Variants in MAP4 observed in about 807,000 individuals in gnomAD.
MAP4 encodes the protein microtubule associated protein 4, also known as microtubule-associated protein 4.
A neutral mutation model predicts 170.2 loss-of-function variants in MAP4; 76 were observed. That is an observed-to-expected ratio of 0.45 (90% CI 0.37 to 0.54). The LOEUF (loss-of-function observed/expected upper bound fraction) is 0.54, where lower values mean the gene tolerates loss of function less well. Ranked by LOEUF, MAP4 falls within the 20% of genes least tolerant of loss-of-function variation. The probability of loss-of-function intolerance (pLI) is 0.00; values close to 1 mark genes in which losing one functional copy is unlikely to be tolerated. For missense variants in MAP4, 2,506 were observed against 2,748.0 expected, an observed-to-expected ratio of 0.91 and a Z score of 1.97; for synonymous variants, 909 against 994.5, an observed-to-expected ratio of 0.91 and a Z score of 1.62.
At chr3:48,001,574 A>C (rs2100099166) in intron 1 of MAP4, among the ~76,000 whole-genome samples, 1 of 152,144 alleles carries the variant, frequency 6.6e-6, no homozygotes, top group African/African-American at 2.4e-5. Context: ...GTCTTGCCTC[A>C]CTGCAACCTC....
At chr3:48,081,073 G>A (rs1181294574) in intron 1 of MAP4, among the ~76,000 whole-genome samples, 3 of 152,158 alleles carry the variant, frequency 2.0e-5, no homozygotes, top group Non-Finnish European at 4.4e-5. Flanking sequence ...TCAGTGAGCC[G>A]AGATCATGCC....
At chr3:48,072,005 G>A (rs2100141261) in intron 1 of MAP4, among the ~76,000 whole-genome samples, 1 of 152,120 alleles carries the variant, frequency 6.6e-6, no homozygotes, top group Admixed American at 6.6e-5. Flanking sequence ...TGGATCGCTT[G>A]AGGTCAGGAG....
intron 3 of MAP4, among the ~76,000 whole-genome samples, chr3:47,936,225 G>C (rs550105953): frequency 3.4e-4 from 52 of 151,994 alleles, no homozygotes; most frequent in Non-Finnish European, 6.5e-4. Context: ...CTTGAGGCCA[G>C]AAGTTTGGCA....
chr3:47,966,228 C>CTTTTTTT lies in MAP4; in HGVS notation c.292+11630_292+11636dup, dbSNP rs757460367. Among the ~76,000 whole-genome samples, 39 of 50,260 alleles carry CTTTTTTT rather than the reference C, an allele frequency of 7.8e-4. 10 individuals carry two copies. The highest frequency in any genetic ancestry group is 2.7e-3 in the East Asian group (3 of 1,118). 33.0% of individuals were successfully genotyped at this position (50,260 alleles called of 152,430 possible). On this transcript the variant is annotated intron_variant, in intron 3 of 20. Transcript: ENST00000683076. The stretch of plus-strand genomic sequence containing the variant: ...AGCTGGGACTACAGGCCCACACTAC[C>CTTTTTTT]TTTTTTTTTTTTTTTTTTTTTTTTT...
At chr3:47,984,456 G>A (rs2154306020) in intron 2 of MAP4, among the ~76,000 whole-genome samples, 2 of 152,230 alleles carry the variant, frequency 1.3e-5, no homozygotes, top group South Asian at 4.1e-4. Context: ...GGTGAAAGTT[G>A]GATTAGATAC....
At chr3:47,993,236 A>C (rs565503625) in intron 2 of MAP4, among the ~76,000 whole-genome samples, 5 of 152,300 alleles carry the variant, frequency 3.3e-5, no homozygotes, top group Non-Finnish European at 5.9e-5. Context: ...AGACAGGAGG[A>C]TCACTTGAGC....
chr3:47,901,814 G>A (rs2100030160), intron 10 of MAP4, among the ~76,000 whole-genome samples: 1 of 152,158 alleles, frequency 6.6e-6, no homozygotes. Flanking sequence ...TTGTCAACCA[G>A]AGGGTACAAG....
At chr3:47,977,505 A>G (rs1469291553) in intron 3 of MAP4, among the ~76,000 whole-genome samples, 4 of 152,222 alleles carry the variant, frequency 2.6e-5, no homozygotes, top group African/African-American at 9.6e-5. Flanking sequence ...AGCTAAACGC[A>G]ATGTGATTCA....
intron 10 of MAP4, among the ~76,000 whole-genome samples, chr3:47,878,737 C>T (rs1389370308): frequency 6.6e-6 from 1 of 152,078 alleles, no homozygotes; most frequent in African/African-American, 2.4e-5. Context: ...AGGGTTTCAC[C>T]ATGTTGGCCA....
At chr3:48,002,902 TAAATAAATAAGTAAA>T (rs2100100013) in intron 1 of MAP4, among the ~76,000 whole-genome samples, 1 of 150,958 alleles carries the variant, frequency 6.6e-6, no homozygotes, top group African/African-American at 2.4e-5. Flanking sequence ...TAAAAACTTT[TAAATAAATAAGTAAA>T]AAATAAATCA....
At chr3:47,862,693 G>A (rs2069573453) in intron 17 of MAP4, among the ~76,000 whole-genome samples, 1 of 152,044 alleles carries the variant, frequency 6.6e-6, no homozygotes, top group South Asian at 2.1e-4. Flanking sequence ...TAGCCAGGAT[G>A]GTCTCGATCT....
At chr3:47,927,537 G>A (rs1458197006) in intron 4 of MAP4, among the ~76,000 whole-genome samples, 7 of 152,052 alleles carry the variant, frequency 4.6e-5, no homozygotes, top group Non-Finnish European at 1.0e-4. Context: ...GTGCAGTGGC[G>A]CGATCTCGGC....
intron 17 of MAP4, among the ~76,000 whole-genome samples, chr3:47,860,218 GTTTTC>G (rs2063351380): frequency 6.6e-6 from 1 of 152,172 alleles, no homozygotes; most frequent in African/African-American, 2.4e-5. Context: ...TTTCTTTCTT[GTTTTC>G]TTTTGAGACA....
In MAP4 at chr3:47,885,660, T is replaced by C. The variant is rs575530083; in HGVS notation, c.5435-8137A>G. ...TACTTTTAGTCAAAAACTGAGTATT[T>C]TTCTAGTTTTAAAATGTAATGGGGA... On this transcript the variant is annotated intron_variant, in intron 10 of 20. Transcript: ENST00000683076. Among the ~76,000 whole-genome samples the C allele has an allele frequency of 2.0e-5, 3 of 152,242 alleles. No individual in the cohort carries two copies. In the South Asian group the frequency reaches 6.2e-4, roughly 32 times the overall value.
chr3:47,956,078 C>T (rs149145854), intron 3 of MAP4, among the ~76,000 whole-genome samples: 8 of 152,244 alleles, frequency 5.3e-5, no homozygotes, highest in Admixed American at 3.9e-4. Context: ...AATGCAACCA[C>T]GTGTCCTGAG....
chr3:47,972,612 C>T (rs1451829671), intron 3 of MAP4, among the ~76,000 whole-genome samples: 6 of 152,094 alleles, frequency 3.9e-5, no homozygotes, highest in Non-Finnish European at 1.5e-5. Context: ...GTGGGCTGGG[C>T]GCGGTGGCTC....
intron 3 of MAP4, among the ~76,000 whole-genome samples, chr3:47,928,905 G>T (rs1194496639): frequency 6.6e-6 from 1 of 150,656 alleles, no homozygotes; most frequent in African/African-American, 2.4e-5. Context: ...TGTTAAGATG[G>T]CAATCCTGAA....
chr3:47,888,950 T>C (rs996031719), intron 10 of MAP4, among the ~76,000 whole-genome samples: 1 of 152,300 alleles, frequency 6.6e-6, no homozygotes, highest in South Asian at 2.1e-4. Flanking sequence ...CAATAAGATA[T>C]AATTACTCAC....
chr3:47,868,518 G>A (rs764121753), intron 16 of MAP4, among the ~76,000 whole-genome samples: 3 of 152,240 alleles, frequency 2.0e-5, no homozygotes, highest in South Asian at 2.1e-4. Context: ...CCTAAGGGCT[G>A]GAGTGCGGGC....
Sources: gnomAD v4.1 joint callset for allele counts (sites outside exome capture counted in the v4.1 genomes callset) on GRCh38, gnomAD v4.1.1 for gene constraint, MANE v1.5 for transcripts, NCBI Gene and HGNC (gene_info 2026-07-23, HGNC 2026-07-21) for gene names.